The following DNAH14 variants were observed in gnomAD, a reference collection of about 807,000 sequenced individuals.
DNAH14 encodes dynein axonemal heavy chain 14.
Under a neutral mutation model 520.9 loss-of-function variants are expected in DNAH14, and 478 were observed. That is an observed-to-expected ratio of 0.92 (90% CI 0.85 to 0.99). DNAH14 has a LOEUF of 0.99. Ranked by LOEUF, DNAH14 falls within the 50% of genes least tolerant of loss-of-function variation. DNAH14 has a pLI of 0.00. For missense variants in DNAH14, 4,831 were observed against 5,234.5 expected (o/e 0.92, Z 2.38); for synonymous variants, 1,581 against 1,757.2 (o/e 0.90, Z 2.51).
At chr1:225,393,806 C>CTT (rs375050737) in intron 84 of DNAH14, among the ~76,000 whole-genome samples, 1 of 120,930 alleles carries the variant, frequency 8.3e-6, no homozygotes, top group South Asian at 2.6e-4. Context: ...AGTGATATAT[C>CTT]TTTTTTTGTT....
intron 85 of DNAH14, 82 bp downstream of exon 85, chr1:225,398,748 C>T (rs1015923131): frequency 2.3e-5 from 34 of 1,478,262 alleles, no homozygotes; most frequent in Non-Finnish European, 2.9e-5. Flanking sequence ...ATTCCCATTC[C>T]CTACAATTTT....
intron 19 of DNAH14, 62 bp downstream of exon 19, chr1:225,080,810 C>A: frequency 6.9e-7 from 1 of 1,440,540 alleles, no homozygotes; most frequent in Non-Finnish European, 9.2e-7. Context: ...CTTTGGACAT[C>A]AAGAGCATTG....
chr1:225,248,268 G>A (rs1401934328), intron 43 of DNAH14, among the ~76,000 whole-genome samples: 1 of 152,072 alleles, frequency 6.6e-6, no homozygotes, highest in African/African-American at 2.4e-5. Context: ...ACAGTGGGAT[G>A]GTGACCAATA....
At chr1:225,182,322 A>C (rs890597680) in intron 36 of DNAH14, among the ~76,000 whole-genome samples, 1 of 152,226 alleles carries the variant, frequency 6.6e-6, no homozygotes, top group Non-Finnish European at 1.5e-5. Flanking sequence ...ACATAGGGAA[A>C]AATAGATCCT....
Position 225,159,331 on chromosome 1 carries a change from T to C in DNAH14, c.5291T>C (p.Leu1764Pro). 1 of 1,551,352 alleles carries C rather than the reference T, an allele frequency of 6.4e-7. No homozygotes were observed. The highest frequency in any genetic ancestry group is 8.7e-7 in the Non-Finnish European group (1 of 1,146,792). ...REFKCDTSDS[L>P]SEADETLIVI... ...CATTGAAGTGATACCAGTGACAGTCTTTCTGAAGCAGATGAAACCTTGATT... is the reference window on the plus strand; with the variant it reads ...CATTGAAGTGATACCAGTGACAGTCCTTCTGAAGCAGATGAAACCTTGATT... The change falls in exon 35 of 86, where the codon CTT becomes CCT. Residue 1764 changes from leucine (L) to proline (P), a missense_variant. Physicochemically the swap from Leu to Pro is moderately conservative, Grantham distance 98. Coordinates refer to ENST00000682510, the MANE Select transcript of DNAH14 (RefSeq NM_001367479.1).
intron 77 of DNAH14, among the ~76,000 whole-genome samples, chr1:225,373,294 T>C (rs2095642389): frequency 6.6e-6 from 1 of 151,844 alleles, no homozygotes; most frequent in Admixed American, 6.6e-5. Context: ...ATCGAGACCA[T>C]GCTGGTTAAC....
At chr1:225,336,846 T>C (rs940102057) in intron 66 of DNAH14, among the ~76,000 whole-genome samples, 5 of 152,352 alleles carry the variant, frequency 3.3e-5, no homozygotes, top group Non-Finnish European at 7.3e-5. Context: ...CACTATGTGG[T>C]ATATATGTAT....
intron 5 of DNAH14, among the ~76,000 whole-genome samples, chr1:224,966,007 A>G (rs1366378764): frequency 1.3e-5 from 2 of 152,154 alleles, no homozygotes; most frequent in Non-Finnish European, 2.9e-5. Context: ...ATTTTTAATT[A>G]TATATATGAT....
chr1:225,345,146 C>CA (rs2095267546), intron 69 of DNAH14, among the ~76,000 whole-genome samples: 1 of 152,192 alleles, frequency 6.6e-6, no homozygotes. Context: ...GCAAAAGCTT[C>CA]ACCTGCATCA....
chr1:225,113,342 T>C (rs1460308418), intron 23 of DNAH14, among the ~76,000 whole-genome samples: 1 of 152,146 alleles, frequency 6.6e-6, no homozygotes, highest in South Asian at 2.1e-4. Flanking sequence ...ATTGAGTCAT[T>C]CTCTGTGTGC....
chr1:224,929,765 C>T lies in DNAH14; in HGVS notation c.-104C>T, dbSNP rs1426079712. Reference sequence around the variant, plus strand: ...CCATTCACCCTAGTCTGGCGCTCGCCGGCGTGGGCGGGCCGGACCTTCGCC... The same window carrying T: ...CCATTCACCCTAGTCTGGCGCTCGCTGGCGTGGGCGGGCCGGACCTTCGCC... On this transcript the variant is annotated 5_prime_UTR_variant, in exon 1 of 86. Transcript: ENST00000682510. 1.4e-6 allele frequency: 1 copy of T among 701,958 alleles called. No individual in the cohort carries two copies. Among genetic ancestry groups the T allele is most frequent in the Admixed American group, 2.0e-5 (1 of 50,004 alleles). The allele number at this position is 701,958 out of a possible 1,614,324, so 43.5% of individuals were successfully genotyped here.
At position 224,988,839 on chromosome 1, in the gene DNAH14, G is replaced by A. The variant is rs150488295; in HGVS notation, c.831-13944G>A. On this transcript the variant is annotated intron_variant, in intron 8 of 85. Coordinates refer to ENST00000682510, the MANE Select transcript of DNAH14 (RefSeq NM_001367479.1). ...TTTTAAAAACATTTTTACAGATAGG[G>A]TCTCACTGTGTTTCACAGGCTCATC... Among the ~76,000 whole-genome samples, 6 of 152,198 alleles carry A rather than the reference G, an allele frequency of 3.9e-5. No homozygotes were observed. In the East Asian group the frequency reaches 9.7e-4, roughly 25 times the overall value.
intron 23 of DNAH14, among the ~76,000 whole-genome samples, chr1:225,104,359 G>A (rs188533942): frequency 3.0e-4 from 45 of 152,118 alleles, no homozygotes; most frequent in Admixed American, 8.5e-4. Context: ...TTTTTGTTGT[G>A]TCTCTGTCAG....
intron 66 of DNAH14, among the ~76,000 whole-genome samples, chr1:225,336,038 C>T (rs201121255): frequency 2.8e-4 from 18 of 64,666 alleles, no homozygotes; most frequent in South Asian, 1.2e-3. Context: ...TATATACACA[C>T]ATATATGCAT....
At chr1:225,371,494 T>A (rs1337687477) in intron 77 of DNAH14, among the ~76,000 whole-genome samples, 1 of 152,084 alleles carries the variant, frequency 6.6e-6, no homozygotes, top group African/African-American at 2.4e-5. Context: ...ACACTGAAAT[T>A]GTTTCAAATA....
At chr1:225,387,550 C>A (rs1258854995) in intron 81 of DNAH14, among the ~76,000 whole-genome samples, 1 of 151,994 alleles carries the variant, frequency 6.6e-6, no homozygotes, top group Non-Finnish European at 1.5e-5. Flanking sequence ...GCAACACCAG[C>A]CTCAAGGGAG....
At chr1:225,237,372 T>C (rs769004609) in intron 42 of DNAH14, among the ~76,000 whole-genome samples, 33 of 152,284 alleles carry the variant, frequency 2.2e-4, no homozygotes, top group Non-Finnish European at 3.2e-4. Context: ...CCTTTGCCTA[T>C]GAAGCTTAGT....
At chr1:225,129,324 G>C (rs920875169) in intron 27 of DNAH14, among the ~76,000 whole-genome samples, 1 of 151,980 alleles carries the variant, frequency 6.6e-6, no homozygotes, top group African/African-American at 2.4e-5. Context: ...CTACTTTAAA[G>C]TTCTTATGGA....
chr1:225,099,947 G>T (rs1396851154), intron 22 of DNAH14, among the ~76,000 whole-genome samples: 1 of 151,810 alleles, frequency 6.6e-6, no homozygotes, highest in African/African-American at 2.4e-5. Context: ...TTTGAATCAG[G>T]TTGAGGCTAG....
Sources: gnomAD v4.1 joint callset for allele counts (sites outside exome capture counted in the v4.1 genomes callset) on GRCh38, gnomAD v4.1.1 for gene constraint, MANE v1.5 for transcripts, NCBI Gene and HGNC (gene_info 2026-07-23, HGNC 2026-07-21) for gene names.